BDP1: variants seen among roughly 807,000 people sequenced by gnomAD.
BDP1 encodes transcription factor TFIIIB component B'' homolog.
In BDP1, 169 loss-of-function variants were observed where a neutral mutation model predicts 266.6. The observed-to-expected ratio is 0.63, with a 90% CI of 0.56 to 0.72. BDP1 has a LOEUF of 0.72. Ranked by LOEUF, BDP1 falls within the 30% of genes least tolerant of loss-of-function variation. The probability of loss-of-function intolerance (pLI) is 0.00; values close to 1 mark genes in which losing one functional copy is unlikely to be tolerated. For synonymous variants in BDP1, 1,090 were observed against 1,022.4 expected (o/e 1.07, Z -1.26); for missense variants, 3,015 against 3,053.8 (o/e 0.99, Z 0.30).
At chr5:71,561,652 G>A (rs936156514) in intron 37 of BDP1, among the ~76,000 whole-genome samples, 6 of 152,128 alleles carry the variant, frequency 3.9e-5, no homozygotes, top group Non-Finnish European at 8.8e-5. Context: ...AATTGGGTGC[G>A]GGGCTGCATG....
At chr5:71,460,154 C>T (rs1015097910) in intron 2 of BDP1, among the ~76,000 whole-genome samples, 4 of 152,020 alleles carry the variant, frequency 2.6e-5, no homozygotes, top group East Asian at 1.9e-4. Flanking sequence ...CCGAGGTGGG[C>T]GGATCACCTG....
chr5:71,502,758 G>A lies in BDP1; in HGVS notation c.2208G>A (p.Glu736=). Residue 736 remains glutamate (E), a synonymous_variant, in exon 15 of 39, where the codon GAG becomes GAA. Coordinates refer to ENST00000358731, the MANE Select transcript of BDP1 (RefSeq NM_018429.3). ...ISQEEIGANV[E]KNENESCADR... is the part of the protein sequence containing the mutation. ...AGGAAGAAATTGGGGCCAATGTAGA[G>A]AAGAATGAAAATGAATCCTGTGCTG... 2.5e-6 allele frequency: 4 copies of A among 1,613,678 alleles called. No homozygotes were observed. The highest frequency in any genetic ancestry group is 3.4e-6 in the Non-Finnish European group (4 of 1,179,926).
intron 11 of BDP1, among the ~76,000 whole-genome samples, chr5:71,492,321 T>C (rs2150414846): frequency 6.6e-6 from 1 of 152,322 alleles, no homozygotes. Context: ...CTCCATACTG[T>C]TTCCAATAGC....
At chr5:71,504,807 T>G (rs1764484734) in intron 16 of BDP1, 56 bp downstream of exon 16, 2 of 1,564,702 alleles carry the variant, frequency 1.3e-6, no homozygotes, top group Non-Finnish European at 1.7e-6. Context: ...GTTTTAGAAC[T>G]CAATCAGTTT....
intron 6 of BDP1, among the ~76,000 whole-genome samples, chr5:71,467,843 A>G (rs1299424601): frequency 1.3e-5 from 2 of 151,990 alleles, no homozygotes; most frequent in African/African-American, 2.4e-5. Context: ...AATTAAGAAA[A>G]AAAATTAGAA....
At chr5:71,518,170 TC>T (rs1221319673) in intron 22 of BDP1, among the ~76,000 whole-genome samples, 2 of 152,222 alleles carry the variant, frequency 1.3e-5, no homozygotes, top group South Asian at 4.1e-4. Context: ...GCCTTTCCTT[TC>T]TGTATATAGT....
chr5:71,542,327 T>G, intron 30 of BDP1, 62 bp downstream of exon 30: 1 of 1,387,644 alleles, frequency 7.2e-7, no homozygotes, highest in Non-Finnish European at 9.9e-7. Context: ...ACATTAACAT[T>G]TCAAAGAAAT....
rs1032389303 is a variant in BDP1, at chr5:71,463,914, T to G, written c.600-144T>G. On this transcript the variant is annotated intron_variant, in intron 3 of 38. Coordinates refer to ENST00000358731, the MANE Select transcript of BDP1 (RefSeq NM_018429.3). ...ACAAGCTTTTGACTGAAAAGTTGAT[T>G]GTTGGATTGTACTGTCATTAACGAA... 7 of 519,982 alleles carry G rather than the reference T, an allele frequency of 1.3e-5. No individual in the cohort carries two copies. In the African/African-American group the frequency reaches 1.4e-4, roughly 10 times the overall value. The allele number at this position is 519,982 out of a possible 1,614,324, so 32.2% of individuals were successfully genotyped here.
chr5:71,540,870 C>T (rs1476311364), intron 28 of BDP1, among the ~76,000 whole-genome samples: 2 of 152,014 alleles, frequency 1.3e-5, no homozygotes, highest in East Asian at 1.9e-4. Flanking sequence ...CTCAGGAGGT[C>T]AAGGCTGCAG....
intron 13 of BDP1, among the ~76,000 whole-genome samples, chr5:71,499,205 T>TTATCC (rs1357921924): frequency 6.6e-6 from 1 of 152,176 alleles, no homozygotes; most frequent in Non-Finnish European, 1.5e-5. Context: ...GTTCAAGAGA[T>TTATCC]TCTCCTGCCT....
chr5:71,462,683 A>G (rs755617839), intron 3 of BDP1, among the ~76,000 whole-genome samples: 1 of 151,980 alleles, frequency 6.6e-6, no homozygotes, highest in Non-Finnish European at 1.5e-5. Flanking sequence ...GAACCCTGGC[A>G]TTTGAGGCTG....
chr5:71,506,626 CTTTA>C (rs2150458106), intron 16 of BDP1, among the ~76,000 whole-genome samples: 1 of 151,910 alleles, frequency 6.6e-6, no homozygotes, highest in East Asian at 1.9e-4. Context: ...AGAAAAGGTA[CTTTA>C]TTAGATAAAC....
chr5:71,462,010 T>TGGA, intron 3 of BDP1, 84 bp downstream of exon 3: 1 of 750,426 alleles, frequency 1.3e-6, no homozygotes, highest in South Asian at 1.5e-5. Context: ...TCACCCGGGC[T>TGGA]GGAGTGCAGT....
intron 6 of BDP1, 84 bp downstream of exon 6, chr5:71,467,571 G>A: frequency 8.4e-7 from 1 of 1,184,736 alleles, no homozygotes; most frequent in African/African-American, 1.5e-5. Context: ...TCTCCCCTAA[G>A]TACATAAAAT....
intron 9 of BDP1, among the ~76,000 whole-genome samples, chr5:71,486,973 A>G (rs2150402925): frequency 6.6e-6 from 1 of 152,276 alleles, no homozygotes; most frequent in South Asian, 2.1e-4. Context: ...TTCTAGGATT[A>G]AAAAAAGGAA....
intron 9 of BDP1, among the ~76,000 whole-genome samples, chr5:71,487,772 A>G (rs570968057): frequency 6.6e-6 from 1 of 152,344 alleles, no homozygotes; most frequent in East Asian, 1.9e-4. Flanking sequence ...TCAAAAGAAA[A>G]GCAGTTCAGC....
chr5:71,505,434 A>C (rs940566663), intron 16 of BDP1, among the ~76,000 whole-genome samples: 1 of 152,170 alleles, frequency 6.6e-6, no homozygotes, highest in Non-Finnish European at 1.5e-5. Context: ...AAGATTTATA[A>C]ATTTTATTTA....
At chr5:71,482,900 T>C (rs922661806) in intron 7 of BDP1, among the ~76,000 whole-genome samples, 4 of 152,156 alleles carry the variant, frequency 2.6e-5, no homozygotes, top group Non-Finnish European at 5.9e-5. Flanking sequence ...AACCTGTACA[T>C]TAAAAGATGT....
At chr5:71,572,785 AAAG>A (rs1042505542), downstream of BDP1, among the ~76,000 whole-genome samples, 3 of 152,202 alleles carry the variant, frequency 2.0e-5, no homozygotes, top group Non-Finnish European at 4.4e-5. Flanking sequence ...CCTCATGAAA[AAAG>A]GTCTTAAAGT....
Sources: gnomAD v4.1 joint callset for allele counts (sites outside exome capture counted in the v4.1 genomes callset) on GRCh38, gnomAD v4.1.1 for gene constraint, MANE v1.5 for transcripts, NCBI Gene and HGNC (gene_info 2026-07-23, HGNC 2026-07-21) for gene names.